The following NECTIN3 variants were observed in gnomAD, a reference collection of about 807,000 sequenced individuals.
The protein encoded by NECTIN3 is nectin-3.
NECTIN3 carries 8 observed loss-of-function variants against 49.4 expected under a neutral mutation model. The observed-to-expected ratio is 0.16, with a 90% CI of 0.10 to 0.29. NECTIN3 has a LOEUF of 0.29. NECTIN3 is among the 10% of genes least tolerant of loss of function. The probability of loss-of-function intolerance (pLI) is 1.00; values close to 1 mark genes in which losing one functional copy is unlikely to be tolerated. For synonymous variants in NECTIN3, 277 were observed against 241.1 expected (o/e 1.15, Z -1.38); for missense variants, 581 against 654.6 (o/e 0.89, Z 1.23).
At chr3:111,115,066 A>C (rs1437865522) in intron 2 of NECTIN3, among the ~76,000 whole-genome samples, 1 of 152,122 alleles carries the variant, frequency 6.6e-6, no homozygotes, top group Non-Finnish European at 1.5e-5. Flanking sequence ...TGTTGTAGTG[A>C]GCTGTACTAT....
intron 1 of NECTIN3, chr3:111,193,472 A>G: frequency 1.5e-6 from 2 of 1,315,814 alleles, no homozygotes; most frequent in Non-Finnish European, 2.1e-6. Flanking sequence ...TGTCTCTCAT[A>G]TAAGAACAGT....
intron 1 of NECTIN3, 76 bp from the exon 2 acceptor site, chr3:111,111,954 G>A: frequency 1.2e-6 from 1 of 831,286 alleles, no homozygotes; most frequent in Non-Finnish European, 1.9e-6. Flanking sequence ...TAGTTACACA[G>A]GGGGTCAGGA....
intron 1 of NECTIN3, among the ~76,000 whole-genome samples, chr3:111,091,206 T>G (rs2032248556): frequency 1.3e-5 from 2 of 152,182 alleles, no homozygotes; most frequent in African/African-American, 4.8e-5. Flanking sequence ...ATTCTATATA[T>G]TTCATTAAAT....
intron 1 of NECTIN3, among the ~76,000 whole-genome samples, chr3:111,090,679 G>GT (rs1426049285): frequency 1.0e-3 from 87 of 84,238 alleles, no homozygotes; most frequent in Non-Finnish European, 3.0e-4. Context: ...TCTGTAGTTC[G>GT]TTTTTTCATG....
intron 1 of NECTIN3, among the ~76,000 whole-genome samples, chr3:111,084,044 C>A (rs529774044): frequency 6.6e-6 from 1 of 152,058 alleles, no homozygotes; most frequent in Non-Finnish European, 1.5e-5. Flanking sequence ...CTCATTGATA[C>A]GGCAAGGTCC....
chr3:111,126,405 C>G, intron 5 of NECTIN3, 70 bp downstream of exon 5: 1 of 1,280,056 alleles, frequency 7.8e-7, no homozygotes, highest in South Asian at 1.4e-5. Flanking sequence ...ACAATATGAT[C>G]CTAAGCAATA....
intron 7 of NECTIN3, among the ~76,000 whole-genome samples, chr3:111,150,147 T>C (rs2034970143): frequency 6.6e-6 from 1 of 152,032 alleles, no homozygotes; most frequent in Non-Finnish European, 1.5e-5. Context: ...ATCAGGAGAT[T>C]CCGTGAAATG....
intron 1 of NECTIN3, among the ~76,000 whole-genome samples, chr3:111,090,880 C>T (rs902221202): frequency 1.4e-5 from 2 of 147,660 alleles, no homozygotes. Context: ...TTGCACCAGC[C>T]TATTTAAAAC....
At chr3:111,074,684 G>A (rs2031049217) in intron 1 of NECTIN3, among the ~76,000 whole-genome samples, 1 of 151,962 alleles carries the variant, frequency 6.6e-6, no homozygotes, top group South Asian at 2.1e-4. Context: ...GAGTTTTACA[G>A]GTTGTCAAAT....
At chr3:111,179,289 C>T (rs77836993) in intron 7 of NECTIN3, among the ~76,000 whole-genome samples, 2,872 of 152,252 alleles carry the variant, frequency 0.019, 83 homozygotes, top group African/African-American at 0.065. Flanking sequence ...TATCCCTGCC[C>T]TGTTCTTTGC....
At chr3:111,190,969 T>C (rs2035803628), upstream of NECTIN3, among the ~76,000 whole-genome samples, 1 of 152,188 alleles carries the variant, frequency 6.6e-6, no homozygotes, top group South Asian at 2.1e-4. Flanking sequence ...ATGACTTTAG[T>C]CAGGCCATGT....
chr3:111,105,150 C>T (rs150218578), intron 1 of NECTIN3, among the ~76,000 whole-genome samples: 82 of 133,302 alleles, frequency 6.2e-4, no homozygotes, highest in Non-Finnish European at 6.2e-4. Context: ...TTTCTTTTTT[C>T]TTTTTTTTTT....
intron 1 of NECTIN3, among the ~76,000 whole-genome samples, chr3:111,106,332 G>A (rs996454575): frequency 2.0e-5 from 3 of 152,188 alleles, no homozygotes; most frequent in Non-Finnish European, 4.4e-5. Flanking sequence ...TTTTTGGCAT[G>A]TGACCCAGGT....
At chr3:111,191,312 G>A (rs554143435), upstream of NECTIN3, among the ~76,000 whole-genome samples, 7 of 152,216 alleles carry the variant, frequency 4.6e-5, no homozygotes, top group South Asian at 2.1e-4. Flanking sequence ...AGTATTATAC[G>A]TATAAAGATT....
intron 1 of NECTIN3, among the ~76,000 whole-genome samples, chr3:111,095,719 T>G (rs577800859): frequency 6.6e-6 from 1 of 152,296 alleles, no homozygotes; most frequent in South Asian, 2.1e-4. Context: ...GTAAGTCTCA[T>G]GAGATCTGAT....
At chr3:111,116,363 TTAGC>T (rs1331873133) in intron 2 of NECTIN3, among the ~76,000 whole-genome samples, 2 of 152,172 alleles carry the variant, frequency 1.3e-5, no homozygotes, top group Non-Finnish European at 2.9e-5. Context: ...AGGACAGCAC[TTAGC>T]TAGTATCATT....
intron 1 of NECTIN3, among the ~76,000 whole-genome samples, chr3:111,100,352 T>A (rs908076717): frequency 5.3e-5 from 8 of 152,168 alleles, no homozygotes; most frequent in Admixed American, 5.2e-4. Flanking sequence ...TTTGAAACTT[T>A]CCATAGCTGA....
At chr3:111,126,141 G>T (rs764883622) in intron 4 of NECTIN3, 43 bp from the exon 5 acceptor site, 9 of 1,396,352 alleles carry the variant, frequency 6.4e-6, no homozygotes, top group East Asian at 2.6e-5. Context: ...AATAAATATA[G>T]TCTGAAGATA....
At chr3:111,154,212 A>G (rs1029495414) in intron 7 of NECTIN3, among the ~76,000 whole-genome samples, 2 of 152,014 alleles carry the variant, frequency 1.3e-5, no homozygotes, top group Non-Finnish European at 2.9e-5. Flanking sequence ...CTAACCACTG[A>G]TCTGCTTTCT....
Sources: gnomAD v4.1 joint callset for allele counts (sites outside exome capture counted in the v4.1 genomes callset) on GRCh38, gnomAD v4.1.1 for gene constraint, MANE v1.5 for transcripts, NCBI Gene and HGNC (gene_info 2026-07-23, HGNC 2026-07-21) for gene names.